The following GRID2 variants were observed in gnomAD, a reference collection of about 807,000 sequenced individuals.
GRID2 encodes the protein glutamate ionotropic receptor delta type subunit 2, also known as glutamate receptor ionotropic, delta-2.
GRID2 carries 33 observed loss-of-function variants against 114.8 expected under a neutral mutation model. The observed-to-expected ratio is 0.29, with a 90% confidence interval of 0.22 to 0.38. The LOEUF (loss-of-function observed/expected upper bound fraction) is 0.38, where lower values mean the gene tolerates loss of function less well. Among genes scored for constraint, GRID2 ranks in the 10% least tolerant of loss-of-function variants. The probability of loss-of-function intolerance (pLI) is 1.00; values close to 1 mark genes in which losing one functional copy is unlikely to be tolerated. For synonymous variants in GRID2, 505 were observed against 449.9 expected (o/e 1.12, Z -1.55); for missense variants, 1,184 against 1,257.7 (o/e 0.94, Z 0.89).
intron 4 of GRID2, among the ~76,000 whole-genome samples, chr4:93,171,669 G>A (rs771753881): frequency 6.6e-6 from 1 of 152,104 alleles, no homozygotes; most frequent in Non-Finnish European, 1.5e-5. Flanking sequence ...CATAGGAAGA[G>A]GAGGTTTACG....
intron 2 of GRID2, among the ~76,000 whole-genome samples, chr4:92,931,139 A>G (rs1750200506): frequency 6.6e-6 from 1 of 151,130 alleles, no homozygotes; most frequent in Non-Finnish European, 1.5e-5. Context: ...ATTCAGAAAT[A>G]CATAATAATA....
chr4:92,450,418 G>A (rs1720840084), intron 1 of GRID2, among the ~76,000 whole-genome samples: 2 of 151,986 alleles, frequency 1.3e-5, no homozygotes, highest in Non-Finnish European at 2.9e-5. Context: ...CCAACTCAAT[G>A]AACAGTAAAA....
intron 12 of GRID2, among the ~76,000 whole-genome samples, chr4:93,511,067 G>T: frequency 6.6e-6 from 1 of 152,108 alleles, no homozygotes; most frequent in East Asian, 1.9e-4. Flanking sequence ...CTTGTGAGTA[G>T]CTGGGATTAC....
chr4:92,309,790 C>A (rs949010297), intron 1 of GRID2, among the ~76,000 whole-genome samples: 1 of 151,794 alleles, frequency 6.6e-6, no homozygotes, highest in African/African-American at 2.4e-5. Context: ...GAAATATCTT[C>A]TTAAACTAAT....
chr4:93,282,310 T>C, intron 8 of GRID2: 1 of 372,460 alleles, frequency 2.7e-6, no homozygotes, highest in Non-Finnish European at 5.3e-6. Flanking sequence ...TTAGTCCATT[T>C]TGGGCTGCTA....
intron 10 of GRID2, among the ~76,000 whole-genome samples, chr4:93,431,187 T>C (rs1304484967): frequency 6.6e-6 from 1 of 151,988 alleles, no homozygotes; most frequent in East Asian, 1.9e-4. Context: ...CTGAAAAAGA[T>C]TTAGAGGAGG....
At chr4:92,613,015 A>C (rs1020449732) in intron 2 of GRID2, among the ~76,000 whole-genome samples, 1 of 151,416 alleles carries the variant, frequency 6.6e-6, no homozygotes, top group Non-Finnish European at 1.5e-5. Flanking sequence ...ATTAGGTAGC[A>C]AGCATTTAGC....
intron 13 of GRID2, among the ~76,000 whole-genome samples, chr4:93,569,669 C>G (rs1348421471): frequency 6.6e-6 from 1 of 152,198 alleles, no homozygotes; most frequent in African/African-American, 2.4e-5. Context: ...GTCCCTACCT[C>G]CGTCTTTACT....
At chr4:92,818,699 C>A (rs976601307) in intron 2 of GRID2, among the ~76,000 whole-genome samples, 2 of 152,094 alleles carry the variant, frequency 1.3e-5, no homozygotes, top group Non-Finnish European at 2.9e-5. Context: ...CCCAGAGCAG[C>A]CCCTCTGGAA....
intron 14 of GRID2, among the ~76,000 whole-genome samples, chr4:93,666,137 A>G (rs972198885): frequency 1.3e-5 from 2 of 152,072 alleles, no homozygotes; most frequent in Non-Finnish European, 2.9e-5. Context: ...GCTTCTTTTA[A>G]AAGTATGACC....
At chr4:93,748,845 G>A (rs1030954462) in intron 14 of GRID2, among the ~76,000 whole-genome samples, 3 of 151,926 alleles carry the variant, frequency 2.0e-5, no homozygotes, top group Admixed American at 2.0e-4. Flanking sequence ...TAAGGAACAA[G>A]CCCAAAGAAA....
At chr4:93,354,832 A>G (rs376366635) in intron 8 of GRID2, among the ~76,000 whole-genome samples, 4 of 134,388 alleles carry the variant, frequency 3.0e-5, no homozygotes, top group East Asian at 2.2e-4. Flanking sequence ...ATATATATAT[A>G]ATATATATAA....
rs566000517 is a variant in GRID2, at chr4:92,442,179, C to T, written c.88+137435C>T. ...ACTGTGAGAGTTACCTGAAGCTTGG[C>T]GTCCGTGATGGTCTAGGGGGCTTCC... On this transcript the variant is annotated intron_variant, in intron 1 of 15. Coordinates refer to ENST00000282020, the MANE Select transcript of GRID2 (RefSeq NM_001510.4). Among the ~76,000 whole-genome samples, 27 of 151,238 alleles carry T rather than the reference C, an allele frequency of 1.8e-4. 1 individual carries two copies. Among genetic ancestry groups the T allele is most frequent in the Admixed American group, 1.2e-3 (18 of 15,164 alleles).
intron 2 of GRID2, among the ~76,000 whole-genome samples, chr4:92,763,567 T>C (rs558997643): frequency 6.6e-6 from 1 of 152,366 alleles, no homozygotes; most frequent in South Asian, 2.1e-4. Flanking sequence ...AACAGCCATA[T>C]GTGCATAGGT....
chr4:93,422,522 C>T (rs952449465), intron 9 of GRID2, among the ~76,000 whole-genome samples: 2 of 151,950 alleles, frequency 1.3e-5, no homozygotes, highest in Non-Finnish European at 2.9e-5. Flanking sequence ...TTCATGGACC[C>T]TAAGTTTTTT....
chr4:93,294,456 G>A (rs1298915701), intron 8 of GRID2, among the ~76,000 whole-genome samples: 1 of 152,208 alleles, frequency 6.6e-6, no homozygotes, highest in African/African-American at 2.4e-5. Context: ...ATGTGAGAGA[G>A]AGAGAGTGTG....
intron 13 of GRID2, among the ~76,000 whole-genome samples, chr4:93,548,381 C>A (rs914434409): frequency 6.6e-6 from 1 of 152,118 alleles, no homozygotes; most frequent in Non-Finnish European, 1.5e-5. Context: ...GACAGGGAAC[C>A]ATCTCATGGG....
At chr4:92,464,328 A>G (rs1050012227) in intron 1 of GRID2, among the ~76,000 whole-genome samples, 1 of 151,972 alleles carries the variant, frequency 6.6e-6, no homozygotes, top group Non-Finnish European at 1.5e-5. Flanking sequence ...TCCTGTCCTA[A>G]CCCCAATTCA....
At chr4:92,679,260 G>A (rs1733530063) in intron 2 of GRID2, among the ~76,000 whole-genome samples, 1 of 151,666 alleles carries the variant, frequency 6.6e-6, no homozygotes. Flanking sequence ...TTTATTTTTT[G>A]CAGTTTTAAT....
Sources: allele counts gnomAD v4.1 joint callset (sites outside exome capture counted in the v4.1 genomes callset), GRCh38; gene constraint gnomAD v4.1.1; transcripts MANE v1.5; gene names NCBI Gene and HGNC (gene_info 2026-07-23, HGNC 2026-07-21).